Variants in PTPRM observed in about 807,000 individuals in gnomAD.
The protein encoded by PTPRM is protein tyrosine phosphatase receptor type M, also known as receptor-type tyrosine-protein phosphatase mu.
In PTPRM, 47 loss-of-function variants were observed where a neutral mutation model predicts 186.7. The observed-to-expected ratio is 0.25, with a 90% CI of 0.20 to 0.32. The LOEUF is 0.32. Among genes scored for constraint, PTPRM ranks in the 10% least tolerant of loss-of-function variants. The probability of loss-of-function intolerance (pLI) is 1.00; values close to 1 mark genes in which losing one functional copy is unlikely to be tolerated. For synonymous variants in PTPRM, 668 were observed against 674.9 expected (o/e 0.99, Z 0.16); for missense variants, 1,494 against 1,865.0 (o/e 0.80, Z 3.66).
chr18:7,986,546 A>C (rs1433894621), intron 7 of PTPRM, among the ~76,000 whole-genome samples: 1 of 152,218 alleles, frequency 6.6e-6, no homozygotes, highest in Non-Finnish European at 1.5e-5. Flanking sequence ...GCACATCCCC[A>C]GCCAAGGCCG....
At chr18:7,691,175 T>C (rs529371973) in intron 1 of PTPRM, among the ~76,000 whole-genome samples, 1 of 152,296 alleles carries the variant, frequency 6.6e-6, no homozygotes, top group Admixed American at 6.5e-5. Context: ...GGGAAATATA[T>C]GTAAATCAGA....
chr18:7,964,808 A>G (rs1313173902), intron 7 of PTPRM, among the ~76,000 whole-genome samples: 5 of 152,166 alleles, frequency 3.3e-5, no homozygotes, highest in African/African-American at 9.7e-5. Context: ...GAACCTGGGA[A>G]AACTTTTTGT....
intron 22 of PTPRM, among the ~76,000 whole-genome samples, chr18:8,325,692 G>C (rs1292623245): frequency 6.6e-6 from 1 of 152,142 alleles, no homozygotes; most frequent in Non-Finnish European, 1.5e-5. Flanking sequence ...TGGGTATACA[G>C]CCAATAATGG....
At chr18:8,386,705 A>G (rs958603130) in intron 30 of PTPRM, among the ~76,000 whole-genome samples, 1 of 152,188 alleles carries the variant, frequency 6.6e-6, no homozygotes, top group African/African-American at 2.4e-5. Context: ...GCTCAGAGAC[A>G]TTTCCAGGTT....
At chr18:8,053,617 G>T (rs1018775374) in intron 7 of PTPRM, among the ~76,000 whole-genome samples, 1 of 152,006 alleles carries the variant, frequency 6.6e-6, no homozygotes, top group Non-Finnish European at 1.5e-5. Flanking sequence ...TTCTTCCTAC[G>T]GAGTGTTCTG....
At chr18:7,677,908 T>C (rs2039384775) in intron 1 of PTPRM, among the ~76,000 whole-genome samples, 1 of 152,122 alleles carries the variant, frequency 6.6e-6, no homozygotes, top group Admixed American at 6.5e-5. Context: ...GATATCTGTT[T>C]ATTTATTTAT....
At chr18:8,173,273 G>A (rs1376037525) in intron 14 of PTPRM, among the ~76,000 whole-genome samples, 2 of 152,292 alleles carry the variant, frequency 1.3e-5, no homozygotes, top group East Asian at 1.9e-4. Context: ...TGGCAATTAT[G>A]TTGAAATTTT....
intron 1 of PTPRM, among the ~76,000 whole-genome samples, chr18:7,594,470 A>ACTCTGT (rs1192614882): frequency 2.6e-5 from 4 of 152,042 alleles, no homozygotes; most frequent in East Asian, 1.9e-4. Context: ...ACAGAACGAG[A>ACTCTGT]CTCTGTCTCA....
At chr18:7,741,241 C>G (rs957435255) in intron 1 of PTPRM, 1 of 152,156 alleles carries the variant, frequency 6.6e-6, no homozygotes, top group Admixed American at 6.6e-5. Context: ...AGTAGGTGTT[C>G]CGTGAACATG....
chr18:8,101,358 G>T (rs2091283867), intron 11 of PTPRM, among the ~76,000 whole-genome samples: 1 of 152,186 alleles, frequency 6.6e-6, no homozygotes, highest in South Asian at 2.1e-4. Context: ...TTTTCTTATT[G>T]TTGATTTCTA....
chr18:7,932,993 T>G (rs1183702833), intron 5 of PTPRM, among the ~76,000 whole-genome samples: 2 of 152,158 alleles, frequency 1.3e-5, no homozygotes, highest in Non-Finnish European at 2.9e-5. Flanking sequence ...TTGTGCACCA[T>G]TCTGAGGAGC....
intron 3 of PTPRM, among the ~76,000 whole-genome samples, chr18:7,893,901 C>T (rs1248901172): frequency 1.3e-5 from 2 of 152,044 alleles, no homozygotes; most frequent in Non-Finnish European, 2.9e-5. Flanking sequence ...AAGGACAGGC[C>T]GTATTCACAG....
intron 1 of PTPRM, among the ~76,000 whole-genome samples, chr18:7,732,497 A>G (rs1365387238): frequency 6.6e-6 from 1 of 152,130 alleles, no homozygotes; most frequent in African/African-American, 2.4e-5. Flanking sequence ...TTGATTTTTT[A>G]TTTTTAAAAA....
chr18:8,201,504 T>C (rs1192152095), intron 14 of PTPRM, among the ~76,000 whole-genome samples: 1 of 152,220 alleles, frequency 6.6e-6, no homozygotes, highest in Admixed American at 6.5e-5. Flanking sequence ...ACTATATCTA[T>C]TTATTAGTCT....
At chr18:7,628,023 A>G (rs1022752960) in intron 1 of PTPRM, among the ~76,000 whole-genome samples, 21 of 152,210 alleles carry the variant, frequency 1.4e-4, no homozygotes, top group Non-Finnish European at 2.8e-4. Flanking sequence ...TTAGATGGCC[A>G]CATGACAAAG....
At chr18:7,657,460 T>G (rs978347339) in intron 1 of PTPRM, among the ~76,000 whole-genome samples, 2 of 152,222 alleles carry the variant, frequency 1.3e-5, no homozygotes, top group Non-Finnish European at 2.9e-5. Context: ...TTTAACAGTT[T>G]CTTCCCACTC....
At chr18:7,833,247 A>G (rs1173046095) in intron 2 of PTPRM, among the ~76,000 whole-genome samples, 1 of 152,264 alleles carries the variant, frequency 6.6e-6, no homozygotes, top group East Asian at 1.9e-4. Flanking sequence ...CTAATCCATG[A>G]ACATGGAATA....
intron 2 of PTPRM, among the ~76,000 whole-genome samples, chr18:7,881,738 G>C (rs140338319): frequency 6.6e-6 from 1 of 152,256 alleles, no homozygotes; most frequent in Non-Finnish European, 1.5e-5. Flanking sequence ...GCAGATGTAC[G>C]TGGTGATTCC....
chr18:7,683,432 G>A (rs1382573487), intron 1 of PTPRM, among the ~76,000 whole-genome samples: 4 of 152,142 alleles, frequency 2.6e-5, no homozygotes, highest in South Asian at 4.1e-4. Context: ...CTCAGCCTCC[G>A]AAAGCACTGG....
Sources: gnomAD v4.1 joint callset for allele counts (sites outside exome capture counted in the v4.1 genomes callset) on GRCh38, gnomAD v4.1.1 for gene constraint, MANE v1.5 for transcripts, NCBI Gene and HGNC (gene_info 2026-07-23, HGNC 2026-07-21) for gene names.